Variants in LINC00305 observed in about 807,000 individuals in gnomAD.
LINC00305 encodes the protein long intergenic non-protein coding RNA 305.
intron 1 of LINC00305, among the ~76,000 whole-genome samples, chr18:64,130,440 G>A (rs899586385): frequency 6.6e-6 from 1 of 152,022 alleles, no homozygotes; most frequent in Non-Finnish European, 1.5e-5. Flanking sequence ...TCATCCACCT[G>A]TTCTACCTTT....
chr18:64,146,765 G>A (rs1255976117), intron 1 of LINC00305, among the ~76,000 whole-genome samples: 1 of 152,180 alleles, frequency 6.6e-6, no homozygotes, highest in East Asian at 1.9e-4. Flanking sequence ...TTTAACACAT[G>A]CTGTGGGGGA....
exon 4 of LINC00305, chr18:64,080,395 C>T (rs1477971043): frequency 1.5e-5 from 7 of 455,634 alleles, no homozygotes; most frequent in Non-Finnish European, 2.7e-5. Context: ...AAAGGTTCTT[C>T]CTGCATGCTG....
intron 1 of LINC00305, among the ~76,000 whole-genome samples, chr18:64,145,085 C>T (rs1428898973): frequency 2.6e-5 from 4 of 152,154 alleles, no homozygotes; most frequent in African/African-American, 4.8e-5. Flanking sequence ...TCTAGCTTCA[C>T]GTCCTGTTTC....
At chr18:64,091,405 C>T (rs934330555) in intron 3 of LINC00305, among the ~76,000 whole-genome samples, 2 of 152,168 alleles carry the variant, frequency 1.3e-5, no homozygotes, top group South Asian at 2.1e-4. Flanking sequence ...TCCATTGTTT[C>T]GTTGGACTTC....
intron 1 of LINC00305, among the ~76,000 whole-genome samples, chr18:64,110,000 T>C (rs2051308327): frequency 6.6e-6 from 1 of 152,180 alleles, no homozygotes; most frequent in Admixed American, 6.5e-5. Context: ...GCTCATCAGC[T>C]ATCATTAGTG....
intron 1 of LINC00305, among the ~76,000 whole-genome samples, chr18:64,106,558 T>C (rs2051291742): frequency 6.6e-6 from 1 of 152,316 alleles, no homozygotes. Context: ...CTGGGTTCTA[T>C]CATGACACTT....
At chr18:64,098,361 G>A (rs2051254809) in intron 2 of LINC00305, among the ~76,000 whole-genome samples, 1 of 152,144 alleles carries the variant, frequency 6.6e-6, no homozygotes, top group Non-Finnish European at 1.5e-5. Context: ...ACAATAAGGA[G>A]GATAATTCTT....
At chr18:64,114,644 G>T (rs1429153135) in intron 1 of LINC00305, among the ~76,000 whole-genome samples, 1 of 152,182 alleles carries the variant, frequency 6.6e-6, no homozygotes, top group African/African-American at 2.4e-5. Context: ...TGCCTCCTGG[G>T]TTCAAGTGAT....
At chr18:64,082,202 T>G (rs1212057773) in intron 3 of LINC00305, among the ~76,000 whole-genome samples, 1 of 152,032 alleles carries the variant, frequency 6.6e-6, no homozygotes, top group Non-Finnish European at 1.5e-5. Context: ...AGATTGGTGC[T>G]CGAGACTTTT....
At chr18:64,132,970 G>T (rs2051416567) in intron 1 of LINC00305, among the ~76,000 whole-genome samples, 1 of 152,206 alleles carries the variant, frequency 6.6e-6, no homozygotes, top group Non-Finnish European at 1.5e-5. Flanking sequence ...AAAGTCGAGA[G>T]AATTAGTGAT....
At chr18:64,097,794 A>G (rs1337202272) in intron 3 of LINC00305, 3 of 445,178 alleles carry the variant, frequency 6.7e-6, no homozygotes, top group Non-Finnish European at 1.4e-5. Context: ...CCTTTATAAT[A>G]ACTTAAAAAA....
intron 3 of LINC00305, among the ~76,000 whole-genome samples, chr18:64,088,810 C>T (rs1262441324): frequency 1.3e-5 from 2 of 152,042 alleles, no homozygotes. Flanking sequence ...AGAGCCTGTG[C>T]CAGCTATAAT....
intron 1 of LINC00305, among the ~76,000 whole-genome samples, chr18:64,144,990 A>G (rs1347571947): frequency 6.6e-6 from 1 of 152,064 alleles, no homozygotes; most frequent in African/African-American, 2.4e-5. Context: ...TAGGGCTATA[A>G]ACGCCCTCAT....
At chr18:64,128,132 GT>G (rs1220718417) in intron 1 of LINC00305, among the ~76,000 whole-genome samples, 5 of 152,010 alleles carry the variant, frequency 3.3e-5, no homozygotes, top group Non-Finnish European at 7.4e-5. Flanking sequence ...CTGTCTAATT[GT>G]TTTGCAAAAT....
rs140789326 is a variant in LINC00305 at position 64,100,902 on chromosome 18, G to A, written n.315-2262C>T. 6.7e-3 allele frequency among the ~76,000 whole-genome samples: 1,026 copies of A among 152,252 alleles called. 1 individual carries two copies. The highest frequency in any genetic ancestry group is 0.01 in the Non-Finnish European group (695 of 68,018). On this transcript the variant is annotated intron_variant and non_coding_transcript_variant, in intron 1 of 3. Transcript: ENST00000666468. ...GACTCTTCTGTTTGCAATAGAGTGTGTTTGTATCCTCATTTATTTTATGGA... is the reference window on the plus strand; with the variant it reads ...GACTCTTCTGTTTGCAATAGAGTGTATTTGTATCCTCATTTATTTTATGGA...
At chr18:64,102,774 T>TG (rs1175919917) in intron 1 of LINC00305, among the ~76,000 whole-genome samples, 1 of 151,338 alleles carries the variant, frequency 6.6e-6, no homozygotes, top group Admixed American at 6.6e-5. Context: ...AGAGAGAGAG[T>TG]GGGGAGATAC....
At chr18:64,125,620 A>G (rs2051381557) in intron 1 of LINC00305, among the ~76,000 whole-genome samples, 1 of 143,848 alleles carries the variant, frequency 7.0e-6, no homozygotes, top group Non-Finnish European at 1.6e-5. Context: ...CCATCCATAT[A>G]TGTCTTAAAT....
chr18:64,087,633 A>C (rs964285502), intron 3 of LINC00305, among the ~76,000 whole-genome samples: 1 of 152,156 alleles, frequency 6.6e-6, no homozygotes, highest in Admixed American at 6.5e-5. Flanking sequence ...TTTATATATA[A>C]AATATATAGG....
rs183358740 is a variant in LINC00305 at position 64,147,050 on chromosome 18, A to G, written n.314+1725T>C. ...CAAAAAGTACACATACAAATTGCAT[A>G]ATGGAAAGCTGTATATTTAGTGTAA... On this transcript the variant is annotated intron_variant and non_coding_transcript_variant, in intron 1 of 3. Coordinates refer to ENST00000666468, the Ensembl canonical transcript of LINC00305. Among the ~76,000 whole-genome samples, 7 of 152,330 alleles carry G rather than the reference A, an allele frequency of 4.6e-5. No individual in the cohort carries two copies. In the South Asian group the frequency reaches 8.3e-4, roughly 18 times the overall value.
Sources: allele counts gnomAD v4.1 joint callset (sites outside exome capture counted in the v4.1 genomes callset), GRCh38; gene constraint gnomAD v4.1.1; transcripts MANE v1.5; gene names NCBI Gene and HGNC (gene_info 2026-07-23, HGNC 2026-07-21).